USP4: variants seen among roughly 807,000 people sequenced by gnomAD.
The protein encoded by USP4 is ubiquitin carboxyl-terminal hydrolase 4.
USP4 carries 72 observed loss-of-function variants against 118.2 expected under a neutral mutation model. The observed-to-expected ratio is 0.61, with a 90% CI of 0.50 to 0.74. The LOEUF is 0.74. USP4 is among the 30% of genes least tolerant of loss of function. The pLI, the probability that USP4 is intolerant of heterozygous loss-of-function variation, is 0.00. For missense variants in USP4, 1,037 were observed against 1,185.7 expected, an observed-to-expected ratio of 0.87 and a Z score of 1.84; for synonymous variants, 415 against 440.4, an observed-to-expected ratio of 0.94 and a Z score of 0.72.
At position 49,298,489 on chromosome 3, in the gene USP4, G is replaced by T; in HGVS notation, c.1596+63C>A. The T allele has an allele frequency of 4.5e-6, 7 of 1,550,432 alleles. No homozygotes were observed. In the South Asian group the frequency reaches 7.8e-5, roughly 17 times the overall value. On this transcript the variant is annotated intron_variant, in intron 12 of 21. Transcript: ENST00000265560. ...CCAAAAAGTGGCTTCAAGGTTGAAA[G>T]TAAACTCCAAATGCTATGAAGTATC...
At chr3:49,312,749 G>A (rs181214266) in intron 6 of USP4, 202 of 264,520 alleles carry the variant, frequency 7.6e-4, no homozygotes, top group African/African-American at 4.3e-3. Flanking sequence ...AGCCGAGATC[G>A]TGCCACTGCA....
chr3:49,282,982 A>G (rs946213424), intron 19 of USP4, among the ~76,000 whole-genome samples: 14 of 141,208 alleles, frequency 9.9e-5, no homozygotes, highest in Non-Finnish European at 1.5e-4. Flanking sequence ...TGCTGGGATT[A>G]CAGGTGTGAG....
rs200926816 is a variant in USP4 at position 49,325,761 on chromosome 3, T to A, written c.445A>T (p.Thr149Ser). The A allele has an allele frequency of 6.2e-7, 1 of 1,613,880 alleles. No homozygotes were observed. Residue 149 changes from threonine (T) to serine (S), a missense_variant, in exon 4 of 22, where the codon ACC (threonine) becomes TCC (serine). Transcript: ENST00000265560. ...ELKLCENSDP[T>S]NVLSCHFSKA... is the part of the protein sequence containing the mutation. ...CTGAAATGGCAACTCAGCACATTGG[T>A]GGGGTCACTGTTCTCACAGAGCTTC...
intron 4 of USP4, 102 bp from the exon 5 acceptor site, chr3:49,325,141 A>G (rs2047538981): frequency 1.4e-6 from 2 of 1,456,782 alleles, no homozygotes; most frequent in Admixed American, 2.0e-5. Context: ...AGATGCTCAC[A>G]GGTGCTCTGG....
chr3:49,294,164 T>C (rs1365237966), intron 14 of USP4, among the ~76,000 whole-genome samples: 1 of 152,134 alleles, frequency 6.6e-6, no homozygotes, highest in East Asian at 1.9e-4. Context: ...TTTATATTTT[T>C]AGTAGAGACG....
At chr3:49,338,032 G>A (rs186645355) in intron 1 of USP4, among the ~76,000 whole-genome samples, 12 of 123,430 alleles carry the variant, frequency 9.7e-5, no homozygotes, top group Admixed American at 9.4e-4. Flanking sequence ...GTGATGCAGC[G>A]AGACTTCGTC....
At chr3:49,281,472 A>ATGTG (rs200550939) in intron 19 of USP4, among the ~76,000 whole-genome samples, 8 of 120,094 alleles carry the variant, frequency 6.7e-5, no homozygotes, top group Admixed American at 1.7e-4. Flanking sequence ...GAAAAAAAGT[A>ATGTG]TGTGTATATA....
At position 49,297,888 on chromosome 3, in the gene USP4, G is replaced by A; in HGVS notation, c.1673C>T (p.Pro558Leu). ...TACTCACACGAAAATGTCATCCCGA[G>A]GCATGATGTGGTTTAAACCTTCATC... The part of the protein sequence containing the change: ...QMDEGLNHIM[P>L]RDDIFVYEVC... Residue 558 changes from proline to leucine, a missense_variant, in exon 13 of 22, where the codon CCT (proline) becomes CTT (leucine). This residue lies in a region of USP4 where 522 missense variants were observed against 592.6 expected (regional missense o/e 0.88). Transcript: ENST00000265560. 1.9e-6 allele frequency: 3 copies of A among 1,614,012 alleles called. No individual in the cohort carries two copies. Among genetic ancestry groups the A allele is most frequent in the Non-Finnish European group, 2.5e-6 (3 of 1,179,926 alleles).
chr3:49,317,822 G>A (rs2047457349), intron 6 of USP4, among the ~76,000 whole-genome samples: 1 of 151,772 alleles, frequency 6.6e-6, no homozygotes, highest in Non-Finnish European at 1.5e-5. Flanking sequence ...AAAGTGCTGG[G>A]ATTACAGGCA....
intron 12 of USP4, 31 bp from the exon 13 acceptor site, chr3:49,297,995 G>A: frequency 6.9e-7 from 1 of 1,456,446 alleles, no homozygotes; most frequent in South Asian, 1.1e-5. Flanking sequence ...AAAGACCACA[G>A]AATGGCTAAG....
At position 49,305,677 on chromosome 3, in the gene USP4, C is replaced by T. The variant is rs535974478; in HGVS notation, c.1128+38G>A. 10 of 1,509,128 alleles carry T rather than the reference C, an allele frequency of 6.6e-6. No homozygotes were observed. The East Asian group carries it at 1.4e-4, about 22-fold the overall frequency. 93.5% of individuals were successfully genotyped at this position (1,509,128 alleles called of 1,614,324 possible). Reference sequence around the variant, plus strand: ...ATTTCTGGTCCCAGGCATCTATATACAGGGATACCCAACCCATATATATAT... The same window carrying T: ...ATTTCTGGTCCCAGGCATCTATATATAGGGATACCCAACCCATATATATAT... On this transcript the variant is annotated intron_variant, in intron 9 of 21. Transcript: ENST00000265560.
chr3:49,280,442 T>G (rs2047008735), intron 20 of USP4, among the ~76,000 whole-genome samples: 1 of 151,058 alleles, frequency 6.6e-6, no homozygotes, highest in Admixed American at 6.6e-5. Flanking sequence ...GCGCCTGTAG[T>G]CCCAGCTACT....
intron 6 of USP4, 196 bp from the exon 7 acceptor site, chr3:49,311,850 C>T (rs1365722330): frequency 7.8e-7 from 1 of 1,277,714 alleles, no homozygotes; most frequent in Non-Finnish European, 1.0e-6. Flanking sequence ...CTTCCTGTCA[C>T]ATCAGTCCAC....
At chr3:49,300,227 C>G (rs1383704007) in intron 11 of USP4, among the ~76,000 whole-genome samples, 1 of 151,126 alleles carries the variant, frequency 6.6e-6, no homozygotes, top group African/African-American at 2.4e-5. Context: ...GCATGGGCAA[C>G]AGAGCGACTC....
intron 15 of USP4, among the ~76,000 whole-genome samples, chr3:49,289,315 G>C (rs994548800): frequency 2.6e-5 from 4 of 152,112 alleles, no homozygotes; most frequent in African/African-American, 9.7e-5. Context: ...ACCTCAAATT[G>C]TAATTGCAGA....
chr3:49,300,843 T>C (rs2047255942), intron 10 of USP4, 152 bp from the exon 11 acceptor site: 2 of 670,654 alleles, frequency 3.0e-6, no homozygotes, highest in Admixed American at 5.3e-5. Flanking sequence ...GGACTACTCT[T>C]AGTGTATCAT....
intron 6 of USP4, among the ~76,000 whole-genome samples, chr3:49,315,437 G>A (rs1329803405): frequency 6.6e-6 from 1 of 152,104 alleles, no homozygotes; most frequent in Non-Finnish European, 1.5e-5. Flanking sequence ...TGAGCACTAG[G>A]GCAGGGACTT....
In USP4 at chr3:49,284,036, T is replaced by A. The variant is rs140207503; in HGVS notation, c.2491A>T (p.Asn831Tyr). The change falls in exon 19 of 22, where the codon AAC becomes TAC. Residue 831 changes from asparagine to tyrosine, a missense_variant. Physicochemically the swap from Asn to Tyr is moderately radical, Grantham distance 143. This residue lies in a region of USP4 where 522 missense variants were observed against 592.6 expected (regional missense o/e 0.88). Coordinates refer to ENST00000265560, the MANE Select transcript of USP4 (RefSeq NM_003363.4). ...TCGAGCTTATCCCTCCAGTATCTGT[T>A]GTAGGAGAAACGTTTGAGGTGGACC... is the stretch of plus-strand genomic sequence containing the variant. ...LVVHLKRFSY[N>Y]RYWRDKLDTV... The A allele has an allele frequency of 1.9e-6, 3 of 1,614,132 alleles. No homozygotes were observed. The highest frequency in any genetic ancestry group is 2.5e-6 in the Non-Finnish European group (3 of 1,180,058).
At chr3:49,314,583 T>C (rs1227194089) in intron 6 of USP4, among the ~76,000 whole-genome samples, 1 of 152,222 alleles carries the variant, frequency 6.6e-6, no homozygotes, top group East Asian at 1.9e-4. Context: ...TGATATGCAA[T>C]GGCAGACTCA....
Sources: allele counts gnomAD v4.1 joint callset (sites outside exome capture counted in the v4.1 genomes callset), GRCh38; gene constraint gnomAD v4.1.1; regional missense constraint gnomAD v4.1.1; transcripts MANE v1.5; gene names NCBI Gene and HGNC (gene_info 2026-07-23, HGNC 2026-07-21).